Variants in CARD10 observed in about 807,000 individuals in gnomAD.
CARD10 encodes caspase recruitment domain family member 10, also known as caspase recruitment domain-containing protein 10.
A neutral mutation model predicts 114.6 loss-of-function variants in CARD10; 49 were observed. The ratio of observed to expected loss-of-function variants is 0.43; its 90% CI spans 0.34 to 0.54. The LOEUF (loss-of-function observed/expected upper bound fraction) is 0.54, where lower values mean the gene tolerates loss of function less well. Among genes scored for constraint, CARD10 ranks in the 20% least tolerant of loss-of-function variants. CARD10 has a pLI of 0.03. For missense variants in CARD10, 1,206 were observed against 1,397.2 expected (o/e 0.86, Z 2.18); for synonymous variants, 602 against 593.2 (o/e 1.01, Z -0.21).
In CARD10 at chr22:37,492,646, G is replaced by A. The variant is rs148113688; in HGVS notation, c.2633C>T (p.Ala878Val). ...SSRLDFQVCP[A>V]ESLSGEELCP... Reference sequence around the variant, plus strand: ...CCCTCCCCGGCACATAGTCTCACCCGCTGGGCACACTTGGAAGTCCAGCCG... The same window carrying A: ...CCCTCCCCGGCACATAGTCTCACCCACTGGGCACACTTGGAAGTCCAGCCG... The change falls in exon 17 of 20, where the codon GCG (alanine) becomes GTG (valine). Residue 878 changes from alanine (A) to valine (V), a missense_variant and splice_region_variant. This residue lies in a region of CARD10 where 1,068 missense variants were observed against 1,179.1 expected (regional missense o/e 0.91). Coordinates refer to ENST00000251973, the MANE Select transcript of CARD10 (RefSeq NM_014550.4). The surrounding 1 kb of genome is among the most constrained non-coding windows in gnomAD (Gnocchi z 5.7). The A allele has an allele frequency of 1.6e-5, 26 of 1,612,506 alleles. No homozygotes were observed. The highest frequency in any genetic ancestry group is 1.3e-4 in the South Asian group (12 of 91,034).
chr22:37,510,682 A>G (rs6519065), intron 3 of CARD10: 131,373 of 486,474 alleles, frequency 0.27, 23,358 homozygotes, highest in African/African-American at 0.69. Flanking sequence ...GTGGGCGGAC[A>G]TGCTGCATCA....
Position 37,508,695 on chromosome 22 carries a change from G to A in CARD10, c.910-13C>T. 6.5e-7 allele frequency: 1 copy of A among 1,544,394 alleles called. No homozygotes were observed. The highest frequency in any genetic ancestry group is 8.7e-7 in the Non-Finnish European group (1 of 1,149,106). On this transcript the variant is annotated splice_polypyrimidine_tract_variant and intron_variant, in intron 4 of 19. Transcript: ENST00000251973. ...GCCGGCTCGCCTCCTGGGGATCACA[G>A]GGCAGGGCCACCTCAGGGTCTGGCT...
chr22:37,493,099 G>A (rs186825528), intron 16 of CARD10, among the ~76,000 whole-genome samples: 1 of 152,260 alleles, frequency 6.6e-6, no homozygotes, highest in East Asian at 1.9e-4. Flanking sequence ...TGACTTCCCA[G>A]ATTCTCAGGA....
At position 37,497,055 on chromosome 22, in the gene CARD10, C is replaced by T. The variant is rs767082361; in HGVS notation, c.1911G>A (p.Leu637=). 38 of 1,614,054 alleles carry T rather than the reference C, an allele frequency of 2.4e-5. No homozygotes were observed. The East Asian group carries it at 7.1e-4, about 30-fold the overall frequency. ...CCATCCTGGCGGACCCAGGCCCAGA[C>T]AGCACCCTGCGCACCACAGCCCCAG... ...RWSGAVVRRV[L]SGPGSARMEP... is the part of the protein sequence containing the mutation. The change falls in exon 12 of 20, where the codon CTG becomes CTA. Residue 637 remains leucine, a synonymous_variant. Coordinates refer to ENST00000251973, the MANE Select transcript of CARD10 (RefSeq NM_014550.4).
At position 37,506,174 on chromosome 22, in the gene CARD10, C is replaced by T. The variant is rs1310479022; in HGVS notation, c.1383+18G>A. 6.8e-7 allele frequency: 1 copy of T among 1,477,024 alleles called. No homozygotes were observed. The highest frequency in any genetic ancestry group is 9.0e-7 in the Non-Finnish European group (1 of 1,105,062). The allele number at this position is 1,477,024 out of a possible 1,614,324, so 91.5% of individuals were successfully genotyped here. ...CCCAGCCTTCCTGCCAGGACCTCCA[C>T]AATCTTGACCCGCTCACCTTGAGGC... is the stretch of plus-strand genomic sequence containing the variant. On this transcript the variant is annotated intron_variant, in intron 7 of 19. Coordinates refer to ENST00000251973, the MANE Select transcript of CARD10 (RefSeq NM_014550.4).
At chr22:37,493,933 C>T (rs1049713070) in intron 16 of CARD10, among the ~76,000 whole-genome samples, 153 bp downstream of exon 16, 1 of 152,196 alleles carries the variant, frequency 6.6e-6, no homozygotes, top group African/African-American at 2.4e-5. Flanking sequence ...GGTCTTGTCT[C>T]TCAGGCCCCC....
At position 37,490,844 on chromosome 22, in the gene CARD10, T is replaced by A. The variant is rs1401553477; in HGVS notation, c.*315A>T. ...TTGAGTGTGCAAACCTGCGCACAGGTGTGAGAACAGACTCCAGGGCGAGTG... is the reference window on the plus strand; with the variant it reads ...TTGAGTGTGCAAACCTGCGCACAGGAGTGAGAACAGACTCCAGGGCGAGTG... On this transcript the variant is annotated 3_prime_UTR_variant, in exon 20 of 20. Coordinates refer to ENST00000251973, the MANE Select transcript of CARD10 (RefSeq NM_014550.4). 2 of 390,920 alleles carry A rather than the reference T, an allele frequency of 5.1e-6. No homozygotes were observed. The highest frequency in any genetic ancestry group is 2.1e-5 in the African/African-American group (1 of 48,650). The allele number at this position is 390,920 out of a possible 1,614,324, so 24.2% of individuals were successfully genotyped here.
intron 4 of CARD10, chr22:37,509,150 C>T (rs927493133): frequency 7.5e-6 from 11 of 1,474,030 alleles, no homozygotes; most frequent in Non-Finnish European, 1.0e-5. Flanking sequence ...AGCCAAGTGC[C>T]CCAACCCCAT....
rs1923955864 is a variant in CARD10, at chr22:37,519,379, C to T, written c.-179G>A. ...CAGTCGCCTCGGGCTCCCGGGTCCGCACTCGGGCGGCGGCTCCGCCGGCGC... is the reference window on the plus strand; with the variant it reads ...CAGTCGCCTCGGGCTCCCGGGTCCGTACTCGGGCGGCGGCTCCGCCGGCGC... On this transcript the variant is annotated 5_prime_UTR_variant, in exon 1 of 20. Transcript: ENST00000251973. This position sits in a 1 kb window ranked among gnomAD's most constrained non-coding sequence, Gnocchi z 4.1. The T allele has an allele frequency of 7.4e-6, 9 of 1,216,726 alleles. No individual in the cohort carries two copies. Among genetic ancestry groups the T allele is most frequent in the African/African-American group, 6.3e-5 (4 of 63,758 alleles). The allele number at this position is 1,216,726 out of a possible 1,614,324, so 75.4% of individuals were successfully genotyped here.
In CARD10 at chr22:37,503,903, T is replaced by A. The variant is rs138938559; in HGVS notation, c.1634+283A>T. On this transcript the variant is annotated intron_variant, in intron 9 of 19. Transcript: ENST00000251973. ...CCCTAGTCCTGAACCATCAAGCTTC[T>A]CCTTGGGTATAGGATCTTCAAGGCT... 478 of 569,746 alleles carry A rather than the reference T, an allele frequency of 8.4e-4. 1 individual carries two copies. The highest frequency in any genetic ancestry group is 1.4e-3 in the Non-Finnish European group (419 of 300,750). The allele number at this position is 569,746 out of a possible 1,614,324, so 35.3% of individuals were successfully genotyped here.
chr22:37,517,759 AGCATGTGG>A (rs900755048), intron 2 of CARD10, among the ~76,000 whole-genome samples: 2 of 152,234 alleles, frequency 1.3e-5, no homozygotes, highest in African/African-American at 4.8e-5. Flanking sequence ...AGCCATCTTA[AGCATGTGG>A]CTCTGAACTT....
At chr22:37,503,999 T>C (rs3817801) in intron 9 of CARD10, 187 bp downstream of exon 9, 82,815 of 713,086 alleles carry the variant, frequency 0.12, 5,788 homozygotes, top group East Asian at 0.27. Context: ...GGCCTTATCT[T>C]AAGCCTGACC....
intron 9 of CARD10, among the ~76,000 whole-genome samples, chr22:37,503,729 G>A (rs182732123): frequency 2.0e-5 from 3 of 152,274 alleles, no homozygotes; most frequent in East Asian, 1.9e-4. Flanking sequence ...CAAGGATCGC[G>A]CCCCAGGAGG....
At chr22:37,518,745 A>G (rs1180453770) in intron 1 of CARD10, among the ~76,000 whole-genome samples, 1 of 152,162 alleles carries the variant, frequency 6.6e-6, no homozygotes, top group Non-Finnish European at 1.5e-5. Flanking sequence ...GAACCCCAAG[A>G]GACAAAACTC....
In CARD10 at chr22:37,518,127, A is replaced by T. The variant is rs759027679; in HGVS notation, c.236-19T>A. 6.2e-7 allele frequency: 1 copy of T among 1,610,822 alleles called. No homozygotes were observed. The highest frequency in any genetic ancestry group is 1.1e-5 in the South Asian group (1 of 90,996). On this transcript the variant is annotated intron_variant, in intron 1 of 19. Transcript: ENST00000251973. ...AGGCGCCCTACAGAGTAGTGGGGGG[A>T]TGTACCCAGGGTCTAGGGGAAGGCC...
rs1161555774 is a variant in CARD10, at chr22:37,501,145, CTT to C, written c.1787+1455_1787+1456del. Among the ~76,000 whole-genome samples, 7 of 152,140 alleles carry C rather than the reference CTT, an allele frequency of 4.6e-5. No individual in the cohort carries two copies. Among genetic ancestry groups the C allele is most frequent in the South Asian group, 2.1e-4 (1 of 4,820 alleles). On this transcript the variant is annotated intron_variant, in intron 11 of 19. Transcript: ENST00000251973. The surrounding 1 kb of genome is among the most constrained non-coding windows in gnomAD (Gnocchi z 5.4). ...TCCGCCTGTCTGCCTCTCTCTCTCT[CTT>C]TCTCTCTCTCTCTCTGTCCACCACC...
At chr22:37,509,877 C>A (rs1923567794) in intron 4 of CARD10, among the ~76,000 whole-genome samples, 1 of 27,304 alleles carries the variant, frequency 3.7e-5, no homozygotes, top group Non-Finnish European at 6.3e-5. Context: ...CTCCTGACCA[C>A]CCCCCACCCC....
Position 37,501,285 on chromosome 22 carries a change from G to A in CARD10, c.1787+1317C>T, listed in dbSNP as rs1293386028. Among the ~76,000 whole-genome samples the A allele has an allele frequency of 6.6e-6, 1 of 152,128 alleles. No homozygotes were observed. ...CGTGGGGCCTGGGCGGGGCTGGGAC[G>A]GAGGCTCCTGCTCCCTGGCTGCATC... On this transcript the variant is annotated intron_variant, in intron 11 of 19. Transcript: ENST00000251973. This position sits in a 1 kb window ranked among gnomAD's most constrained non-coding sequence, Gnocchi z 5.4.
At chr22:37,503,314 C>T (rs937546854) in intron 9 of CARD10, 101 bp from the exon 10 acceptor site, 2 of 1,216,740 alleles carry the variant, frequency 1.6e-6, no homozygotes, top group African/African-American at 3.1e-5. Flanking sequence ...TGTCTCACAG[C>T]CCCCAAGCAA....
Sources: allele counts gnomAD v4.1 joint callset (sites outside exome capture counted in the v4.1 genomes callset), GRCh38; gene constraint gnomAD v4.1.1; regional missense constraint gnomAD v4.1.1; non-coding constraint Gnocchi (gnomAD v3.1); transcripts MANE v1.5; gene names NCBI Gene and HGNC (gene_info 2026-07-23, HGNC 2026-07-21).